LUZP2: variants seen among roughly 807,000 people sequenced by gnomAD.
The protein encoded by LUZP2 is leucine zipper protein 2.
LUZP2 carries 52 observed loss-of-function variants against 51.6 expected under a neutral mutation model. The observed-to-expected ratio is 1.01, with a 90% CI of 0.81 to 1.27. The LOEUF (loss-of-function observed/expected upper bound fraction) is 1.27. LUZP2 is among the 50% of genes most tolerant of loss of function. LUZP2 has a pLI of 0.00. For missense variants in LUZP2, 436 were observed against 395.4 expected, an observed-to-expected ratio of 1.10 and a Z score of -0.87; for synonymous variants, 154 against 137.3, an observed-to-expected ratio of 1.12 and a Z score of -0.85.
chr11:24,783,136 C>G (rs1161469471), intron 5 of LUZP2, among the ~76,000 whole-genome samples: 2 of 152,022 alleles, frequency 1.3e-5, no homozygotes, highest in African/African-American at 4.8e-5. Flanking sequence ...ATCTTTGTAA[C>G]TATCACAAGC....
intron 1 of LUZP2, among the ~76,000 whole-genome samples, chr11:24,651,602 A>G (rs964151750): frequency 2.0e-5 from 3 of 152,170 alleles, no homozygotes; most frequent in Admixed American, 2.0e-4. Context: ...ATTAGCTGGT[A>G]ACCAAAGTCA....
intron 2 of LUZP2, among the ~76,000 whole-genome samples, chr11:24,730,009 C>T (rs940981722): frequency 1.3e-5 from 2 of 151,726 alleles, no homozygotes; most frequent in African/African-American, 4.8e-5. Context: ...TAGCTCCAGA[C>T]ACTATTAGTT....
chr11:24,911,466 C>G (rs1853632602), intron 6 of LUZP2, among the ~76,000 whole-genome samples: 1 of 152,076 alleles, frequency 6.6e-6, no homozygotes, highest in Admixed American at 6.6e-5. Context: ...CAGTTTCTCC[C>G]ATGCTGTTCA....
chr11:24,590,811 T>A (rs1000853423), intron 1 of LUZP2, among the ~76,000 whole-genome samples: 3 of 152,184 alleles, frequency 2.0e-5, no homozygotes, highest in Non-Finnish European at 4.4e-5. Context: ...GTCCTTACCT[T>A]CCCTTATTTT....
chr11:24,769,238 G>A (rs889769060), intron 5 of LUZP2, among the ~76,000 whole-genome samples: 1 of 152,150 alleles, frequency 6.6e-6, no homozygotes. Context: ...GAGAAAGCAG[G>A]GAGTAGAAGG....
intron 7 of LUZP2, among the ~76,000 whole-genome samples, chr11:24,964,798 T>G (rs950835180): frequency 2.0e-5 from 3 of 152,038 alleles, no homozygotes; most frequent in African/African-American, 7.2e-5. Context: ...TCAAAGCATT[T>G]TTTTTTACTG....
At chr11:24,659,500 A>G (rs1363697023) in intron 1 of LUZP2, among the ~76,000 whole-genome samples, 2 of 152,012 alleles carry the variant, frequency 1.3e-5, no homozygotes, top group African/African-American at 2.4e-5. Flanking sequence ...CAGCACACCA[A>G]CATGGCACAT....
intron 1 of LUZP2, among the ~76,000 whole-genome samples, chr11:24,690,668 C>T (rs948676359): frequency 2.0e-5 from 3 of 151,954 alleles, no homozygotes; most frequent in East Asian, 1.9e-4. Context: ...GGCTATATAA[C>T]GGAGTATGTG....
intron 5 of LUZP2, among the ~76,000 whole-genome samples, chr11:24,798,979 G>C (rs572861751): frequency 5.3e-5 from 8 of 152,216 alleles, no homozygotes; most frequent in African/African-American, 1.7e-4. Context: ...AGGAGTTTTT[G>C]AGGCACACAA....
chr11:24,713,038 C>G (rs1857897395), intron 1 of LUZP2, among the ~76,000 whole-genome samples: 1 of 152,150 alleles, frequency 6.6e-6, no homozygotes, highest in African/African-American at 2.4e-5. Flanking sequence ...GTGAGGGACA[C>G]AACTAATTCT....
At chr11:24,823,464 G>A (rs1396256324) in intron 5 of LUZP2, among the ~76,000 whole-genome samples, 6 of 151,070 alleles carry the variant, frequency 4.0e-5, no homozygotes, top group Non-Finnish European at 8.8e-5. Flanking sequence ...GACTTATATT[G>A]AGTGTAATAC....
chr11:25,075,087 T>G (rs1327994069), intron 10 of LUZP2, among the ~76,000 whole-genome samples: 1 of 152,158 alleles, frequency 6.6e-6, no homozygotes, highest in Non-Finnish European at 1.5e-5. Context: ...CAGCAGCCAA[T>G]TGGTTTATTA....
intron 5 of LUZP2, among the ~76,000 whole-genome samples, chr11:24,902,329 G>A (rs1853305226): frequency 6.6e-6 from 1 of 151,944 alleles, no homozygotes; most frequent in Non-Finnish European, 1.5e-5. Context: ...TCAACACTCA[G>A]GTAAAACCCA....
Position 24,878,444 on chromosome 11 carries a change from C to A in LUZP2, c.397-27547C>A, listed in dbSNP as rs1026105059. Among the ~76,000 whole-genome samples the A allele has an allele frequency of 9.3e-5, 14 of 151,016 alleles. 1 individual carries two copies. Among genetic ancestry groups the A allele is most frequent in the Admixed American group, 8.6e-4 (13 of 15,154 alleles). The stretch of plus-strand genomic sequence containing the variant: ...TTGGAGCACCTTTGTATGTTATTTG[C>A]TTCTTTTCTCTTGCTGCTTTTAGGA... On this transcript the variant is annotated intron_variant, in intron 5 of 11. Coordinates refer to ENST00000336930, the MANE Select transcript of LUZP2 (RefSeq NM_001009909.4).
chr11:24,655,613 GAGT>G (rs1855775652), intron 1 of LUZP2, among the ~76,000 whole-genome samples: 1 of 152,190 alleles, frequency 6.6e-6, no homozygotes, highest in African/African-American at 2.4e-5. Context: ...AATGCATGCA[GAGT>G]AGATTAATAC....
intron 1 of LUZP2, among the ~76,000 whole-genome samples, chr11:24,723,817 C>T (rs1300875253): frequency 6.6e-6 from 1 of 151,792 alleles, no homozygotes; most frequent in East Asian, 1.9e-4. Flanking sequence ...TGTGAGAGAG[C>T]AAGACCCTAT....
At chr11:24,666,363 T>C (rs1445209673) in intron 1 of LUZP2, among the ~76,000 whole-genome samples, 1 of 152,146 alleles carries the variant, frequency 6.6e-6, no homozygotes. Context: ...CTTTTAGTCA[T>C]TGATTTTATA....
At chr11:24,566,332 T>TA (rs373379117) in intron 1 of LUZP2, among the ~76,000 whole-genome samples, 115,460 of 132,392 alleles carry the variant, frequency 0.87, 50,396 homozygotes, top group Non-Finnish European at 0.92. Flanking sequence ...ATTTATTTTT[T>TA]TTTTTTTTTT....
intron 7 of LUZP2, among the ~76,000 whole-genome samples, chr11:24,953,735 C>T (rs879265364): frequency 2.0e-5 from 3 of 152,000 alleles, no homozygotes; most frequent in Non-Finnish European, 4.4e-5. Flanking sequence ...GTGGCACCTA[C>T]GTCAAACTCA....
Sources: allele counts gnomAD v4.1 joint callset (sites outside exome capture counted in the v4.1 genomes callset), GRCh38; gene constraint gnomAD v4.1.1; transcripts MANE v1.5; gene names NCBI Gene and HGNC (gene_info 2026-07-23, HGNC 2026-07-21).